The following IL9 variants were observed in gnomAD, a reference collection of about 807,000 sequenced individuals.
IL9 encodes the protein interleukin-9.
Under a neutral mutation model 12.9 loss-of-function variants are expected in IL9, and 16 were observed. The observed-to-expected ratio is 1.24, with a 90% confidence interval of 0.84 to 1.88. The LOEUF (loss-of-function observed/expected upper bound fraction) is 1.88. Among genes scored for constraint, IL9 ranks in the 40% most tolerant of loss-of-function variants. The probability of loss-of-function intolerance (pLI) is 0.00; values close to 1 mark genes in which losing one functional copy is unlikely to be tolerated. For missense variants in IL9, 170 were observed against 173.1 expected (o/e 0.98, Z 0.10); for synonymous variants, 69 against 63.8 (o/e 1.08, Z -0.39).
chr5:135,893,874 C>CTTCTGA (rs1390852125), intron 4 of IL9, 146 bp downstream of exon 4: 1 of 621,274 alleles, frequency 1.6e-6, no homozygotes, highest in African/African-American at 1.9e-5. Flanking sequence ...AATTATATTA[C>CTTCTGA]TTCTGATTAA....
intron 3 of IL9, among the ~76,000 whole-genome samples, 156 bp downstream of exon 3, chr5:135,895,284 T>C (rs1279006165): frequency 1.3e-5 from 2 of 152,212 alleles, no homozygotes; most frequent in African/African-American, 4.8e-5. Flanking sequence ...AAGGGAATAA[T>C]TTGTAACAAT....
At chr5:135,894,290 G>A in intron 3 of IL9, 139 bp from the exon 4 acceptor site, 3 of 803,410 alleles carry the variant, frequency 3.7e-6, no homozygotes, top group Non-Finnish European at 5.8e-6. Context: ...CAGGTCCCTT[G>A]CCAATGTAGG....
At position 135,894,065 on chromosome 5, in the gene IL9, A is replaced by G. The variant is rs771972250; in HGVS notation, c.270T>C (p.Ser90=). ...GTACTTCAACTGATTTTTTCACCCG[A>G]CTGAAAATCAGTGGGTATCTTGTTT... ...TMQTRYPLIF[S]RVKKSVEVLK... The change falls in exon 4 of 5, where the codon AGT becomes AGC. Residue 90 remains serine (S), a synonymous_variant. Transcript: ENST00000274520. 2.7e-5 allele frequency: 44 copies of G among 1,612,772 alleles called. No individual in the cohort carries two copies. The highest frequency in any genetic ancestry group is 1.8e-4 in the Admixed American group (11 of 59,706).
In IL9 at chr5:135,894,098, G is replaced by A. The variant is rs1762911034; in HGVS notation, c.237C>T (p.Thr79=). The A allele has an allele frequency of 1.2e-6, 2 of 1,613,096 alleles. No individual in the cohort carries two copies. The highest frequency in any genetic ancestry group is 1.7e-5 in the Admixed American group (1 of 59,872). Residue 79 remains threonine (T), a synonymous_variant, in exon 4 of 5, where the codon ACC becomes ACT. Coordinates refer to ENST00000274520, the MANE Select transcript of IL9 (RefSeq NM_000590.2). ...FSERLSQMTN[T]TMQTRYPLIF... Reference sequence around the variant, plus strand: ...TCAGTGGGTATCTTGTTTGCATGGTGGTATTGGTCATCTGAGACAGTCTCT... The same window carrying A: ...TCAGTGGGTATCTTGTTTGCATGGTAGTATTGGTCATCTGAGACAGTCTCT...
rs894867941 is a variant in IL9, at chr5:135,894,092, C to T, written c.243G>A (p.Met81Ile). The change falls in exon 4 of 5, where the codon ATG (methionine) becomes ATA (isoleucine). Residue 81 changes from methionine (M) to isoleucine (I), a missense_variant. Physicochemically the swap from Met to Ile is conservative, Grantham distance 10. Transcript: ENST00000274520. ...ERLSQMTNTTMQTRYPLIFSR... is the reference protein window; with the variant it reads ...ERLSQMTNTTIQTRYPLIFSR... The stretch of plus-strand genomic sequence containing the variant: ...TGAAAATCAGTGGGTATCTTGTTTG[C>T]ATGGTGGTATTGGTCATCTGAGACA... 3 of 1,613,400 alleles carry T rather than the reference C, an allele frequency of 1.9e-6. No individual in the cohort carries two copies. The highest frequency in any genetic ancestry group is 1.7e-6 in the Non-Finnish European group (2 of 1,179,610).
chr5:135,892,769 CA>C (rs1561570692), intron 4 of IL9, among the ~76,000 whole-genome samples: 53 of 142,840 alleles, frequency 3.7e-4, no homozygotes, highest in African/African-American at 1.3e-3. Context: ...CACACACACA[CA>C]CACACACACC....
intron 1 of IL9, 53 bp downstream of exon 1, chr5:135,895,650 A>T: frequency 6.2e-7 from 1 of 1,607,280 alleles, no homozygotes; most frequent in Non-Finnish European, 8.5e-7. Context: ...ATCCTCATAC[A>T]TATTTCACTT....
rs193148109 is a variant in IL9 at position 135,895,607 on chromosome 5, G to A, written c.115-17C>T. 3.1e-4 allele frequency: 497 copies of A among 1,613,878 alleles called. No homozygotes were observed. Among genetic ancestry groups the A allele is most frequent in the Non-Finnish European group, 3.8e-4 (448 of 1,179,740 alleles). Reference sequence around the variant, plus strand: ...TGGATCTTCCTAAAGTAGATAGAGAGATAAGAACCTTTAGTCAGCCCCGAG... The same window carrying A: ...TGGATCTTCCTAAAGTAGATAGAGAAATAAGAACCTTTAGTCAGCCCCGAG... On this transcript the variant is annotated splice_polypyrimidine_tract_variant and intron_variant, in intron 1 of 4. Coordinates refer to ENST00000274520, the MANE Select transcript of IL9 (RefSeq NM_000590.2).
rs1322805074 is a variant in IL9 at position 135,895,694 on chromosome 5, G to A, written c.114+9C>T. The A allele has an allele frequency of 2.5e-6, 4 of 1,610,358 alleles. No individual in the cohort carries two copies. The highest frequency in any genetic ancestry group is 2.5e-6 in the Non-Finnish European group (3 of 1,176,574). Reference sequence around the variant, plus strand: ...GCTGTCTTTCCCATGGGCTCCCCCTGCAGCCTACCTGCATCTTGTTGATGA... The same window carrying A: ...GCTGTCTTTCCCATGGGCTCCCCCTACAGCCTACCTGCATCTTGTTGATGA... On this transcript the variant is annotated intron_variant, in intron 1 of 4. Coordinates refer to ENST00000274520, the MANE Select transcript of IL9 (RefSeq NM_000590.2).
rs773103703 is a variant in IL9 at position 135,895,434 on chromosome 5, A to G, written c.183+6T>C. 23 of 1,611,824 alleles carry G rather than the reference A, an allele frequency of 1.4e-5. No homozygotes were observed. In the East Asian group the frequency reaches 5.1e-4, roughly 36 times the overall value. On this transcript the variant is annotated splice_donor_region_variant and intron_variant, in intron 3 of 4. Coordinates refer to ENST00000274520, the MANE Select transcript of IL9 (RefSeq NM_000590.2). ...GGTCAACATTATGTTATTTCACTAT[A>G]CTTACAGAGGGAATGCCCAAACAGA...
rs765698493 is a variant in IL9, at chr5:135,895,689, C to T, written c.114+14G>A. On this transcript the variant is annotated intron_variant, in intron 1 of 4. Transcript: ENST00000274520. Reference sequence around the variant, plus strand: ...CAGTAGCTGTCTTTCCCATGGGCTCCCCCTGCAGCCTACCTGCATCTTGTT... The same window carrying T: ...CAGTAGCTGTCTTTCCCATGGGCTCTCCCTGCAGCCTACCTGCATCTTGTT... 1.9e-6 allele frequency: 3 copies of T among 1,608,654 alleles called. No individual in the cohort carries two copies. In the South Asian group the frequency reaches 3.3e-5, roughly 18 times the overall value.
At chr5:135,894,283 G>A in intron 3 of IL9, 132 bp from the exon 4 acceptor site, 1 of 866,960 alleles carries the variant, frequency 1.2e-6, no homozygotes, top group Non-Finnish European at 1.7e-6. Context: ...TTTTAGACAG[G>A]TCCCTTGCCA....
chr5:135,895,322 T>C, intron 3 of IL9, 118 bp downstream of exon 3: 2 of 815,406 alleles, frequency 2.5e-6, no homozygotes, highest in South Asian at 1.9e-5. Context: ...TACTAATCTG[T>C]AACAATTAAA....
At chr5:135,893,803 G>A (rs1265424973) in intron 4 of IL9, among the ~76,000 whole-genome samples, 1 of 152,144 alleles carries the variant, frequency 6.6e-6, no homozygotes. Context: ...GAAGTAAATG[G>A]CCTCGTCAGG....
rs1379512602 is a variant in IL9, at chr5:135,894,042, A to C, written c.293T>G (p.Val98Gly). ...TACTGGACACTTGTTGTTCTTTAGT[A>C]CTTCAACTGATTTTTTCACCCGACT... Reference protein sequence around the residue: ...IFSRVKKSVEVLKNNKCPYFS... With the variant: ...IFSRVKKSVEGLKNNKCPYFS... The change falls in exon 4 of 5, where the codon GTA (valine) becomes GGA (glycine). Residue 98 changes from valine (V) to glycine (G), a missense_variant. Coordinates refer to ENST00000274520, the MANE Select transcript of IL9 (RefSeq NM_000590.2). 1.2e-5 allele frequency: 20 copies of C among 1,612,922 alleles called. 1 individual carries two copies. The Admixed American group carries it at 3.4e-4, about 27-fold the overall frequency.
intron 4 of IL9, among the ~76,000 whole-genome samples, chr5:135,893,366 CT>C (rs1398060711): frequency 6.6e-6 from 1 of 151,892 alleles, no homozygotes; most frequent in Non-Finnish European, 1.5e-5. Flanking sequence ...CATCCCAGCA[CT>C]TTGGGAGGTC....
In IL9 at chr5:135,895,473, C is replaced by A; in HGVS notation, c.151-1G>T. The A allele has an allele frequency of 2.5e-6, 4 of 1,614,012 alleles. No individual in the cohort carries two copies. Among genetic ancestry groups the A allele is most frequent in the Non-Finnish European group, 3.4e-6 (4 of 1,179,958 alleles). ...TGCCCAAACAGAGACAACTGGTCAC[C>A]TGCAAGGGAAATTTCAGAGTGAAGA... On this transcript the variant is annotated splice_acceptor_variant, in intron 2 of 4. Transcript: ENST00000274520. LOFTEE classifies it high-confidence loss of function.
intron 4 of IL9, 146 bp downstream of exon 4, chr5:135,893,874 C>T (rs1388059070): frequency 3.2e-6 from 2 of 621,392 alleles, no homozygotes; most frequent in Non-Finnish European, 2.7e-6. Flanking sequence ...AATTATATTA[C>T]TTCTGATTAA....
intron 4 of IL9, 82 bp downstream of exon 4, chr5:135,893,938 C>A: frequency 8.3e-7 from 1 of 1,199,424 alleles, no homozygotes; most frequent in Non-Finnish European, 1.2e-6. Flanking sequence ...CTTTATCATC[C>A]TTTTGTGTTC....
Sources: allele counts gnomAD v4.1 joint callset (sites outside exome capture counted in the v4.1 genomes callset), GRCh38; gene constraint gnomAD v4.1.1; transcripts MANE v1.5; gene names NCBI Gene and HGNC (gene_info 2026-07-23, HGNC 2026-07-21).